Variants in MKNK2 observed in about 807,000 individuals in gnomAD.
The protein encoded by MKNK2 is MAP kinase-interacting serine/threonine-protein kinase 2.
MKNK2 carries 54 observed loss-of-function variants against 55.0 expected under a neutral mutation model. The ratio of observed to expected loss-of-function variants is 0.98; its 90% CI spans 0.79 to 1.23. MKNK2 has a LOEUF of 1.23. Among genes scored for constraint, MKNK2 ranks in the 50% most tolerant of loss-of-function variants. MKNK2 has a pLI of 0.00. For synonymous variants in MKNK2, 323 were observed against 256.0 expected (o/e 1.26, Z -2.50); for missense variants, 685 against 632.1 (o/e 1.08, Z -0.90).
intron 13 of MKNK2, 101 bp from the exon 14 acceptor site, chr19:2,039,957 C>T (rs1445078089): frequency 6.9e-7 from 1 of 1,439,858 alleles, no homozygotes; most frequent in Non-Finnish European, 9.5e-7. Context: ...TGCCCCCCTC[C>T]CAGCCCCCAC....
intron 12 of MKNK2, chr19:2,040,736 A>C: frequency 2.3e-6 from 1 of 437,538 alleles, no homozygotes; most frequent in East Asian, 4.4e-5. Flanking sequence ...GCTGGGGTCT[A>C]TGTGAGCTGG....
chr19:2,041,051 AG>A lies in MKNK2; in HGVS notation c.1098del (p.Trp367GlyfsTer36). 1 of 1,613,778 alleles carries A rather than the reference AG, an allele frequency of 6.2e-7. No homozygotes were observed. The highest frequency in any genetic ancestry group is 8.5e-7 in the Non-Finnish European group (1 of 1,179,876). ...RLSAAQVLQH[P>X]WVQGCAPENT... ...CGGCTGGTACTCACCCCCTGAACCC[AG>A]GGGTGCTGCAGGACTTGGGCGGCAC... On this transcript the variant is annotated frameshift_variant, in exon 12 of 14. Coordinates refer to ENST00000250896, the MANE Select transcript of MKNK2 (RefSeq NM_199054.3). LOFTEE classifies it high-confidence loss of function.
In MKNK2 at chr19:2,039,223, C is replaced by G; in HGVS notation, c.*390G>C. On this transcript the variant is annotated 3_prime_UTR_variant, in exon 14 of 14. Transcript: ENST00000250896. ...CTCCCCAGCTCTGCAAGATGGCAAA[C>G]GCTGTGGGCCTGCTCTCCTGAGTCA... 1 of 1,055,472 alleles carries G rather than the reference C, an allele frequency of 9.5e-7. No individual in the cohort carries two copies. Among genetic ancestry groups the G allele is most frequent in the Non-Finnish European group, 1.1e-6 (1 of 872,956 alleles). 65.4% of individuals were successfully genotyped at this position (1,055,472 alleles called of 1,614,324 possible). A position where few individuals can be genotyped will look rare whatever the true frequency, so the allele number is the denominator to read the frequency against.
At chr19:2,050,658 G>T (rs905225698) in intron 2 of MKNK2, 143 bp downstream of exon 2, 1 of 702,404 alleles carries the variant, frequency 1.4e-6, no homozygotes, top group Non-Finnish European at 2.2e-6. Context: ...TTCAGCGCAC[G>T]GCCGGCCCGG....
In MKNK2 at chr19:2,039,596, G is replaced by C; in HGVS notation, c.*17C>G. On this transcript the variant is annotated 3_prime_UTR_variant, in exon 14 of 14. Transcript: ENST00000250896. ...TTGGGGGACGGGTGACCTATGTACA[G>C]AGGGGAGATGGGAGGGTCAGGCGTG... 6.2e-7 allele frequency: 1 copy of C among 1,604,978 alleles called. No homozygotes were observed. The highest frequency in any genetic ancestry group is 8.5e-7 in the Non-Finnish European group (1 of 1,175,732).
At chr19:2,043,228 T>G in intron 6 of MKNK2, 31 bp from the exon 7 acceptor site, 3 of 1,518,430 alleles carry the variant, frequency 2.0e-6, no homozygotes, top group Non-Finnish European at 2.7e-6. Context: ...GGAGAGGAGC[T>G]GAGGCTTCCT....
chr19:2,039,926 G>T, intron 13 of MKNK2, 70 bp from the exon 14 acceptor site: 2 of 1,513,556 alleles, frequency 1.3e-6, no homozygotes, highest in Non-Finnish European at 1.8e-6. Flanking sequence ...GTCTGTGAAG[G>T]CCCTGGGGGA....
At chr19:2,043,008 C>T (rs1290874569) in intron 7 of MKNK2, 116 bp downstream of exon 7, 41 of 1,294,090 alleles carry the variant, frequency 3.2e-5, no homozygotes. Context: ...CACCCCTGAG[C>T]CACCATTTGG....
intron 5 of MKNK2, among the ~76,000 whole-genome samples, chr19:2,044,905 C>T (rs914961156): frequency 6.6e-6 from 1 of 152,198 alleles, no homozygotes; most frequent in Non-Finnish European, 1.5e-5. Context: ...CATGGGGGCT[C>T]TGCATCCAGC....
Position 2,051,150 on chromosome 19 carries a change from C to A in MKNK2, c.-151G>T, listed in dbSNP as rs1327529761. 1 of 165,586 alleles carries A rather than the reference C, an allele frequency of 6.0e-6. No homozygotes were observed. The highest frequency in any genetic ancestry group is 1.3e-5 in the Non-Finnish European group (1 of 77,144). 10.3% of individuals were successfully genotyped at this position (165,586 alleles called of 1,614,324 possible). A position where few individuals can be genotyped will look rare whatever the true frequency, so the allele number is the denominator to read the frequency against. ...GCCGCCGCCGCCCCACGTCGCGCAG[C>A]CCGGACCCCGCTCCGCGGACCGCGC... On this transcript the variant is annotated 5_prime_UTR_variant, in exon 1 of 14. Transcript: ENST00000250896.
chr19:2,038,031 ACC>A lies in MKNK2; in HGVS notation c.*1580_*1581del. ...GGGAAAGGGGTGGGCGGAATGCCCC[ACC>A]CCCCCCAGGGGTCTTTGGAAGGGGC... On this transcript the variant is annotated 3_prime_UTR_variant, in exon 14 of 14. Transcript: ENST00000250896. The A allele has an allele frequency of 7.8e-7, 1 of 1,285,336 alleles. No individual in the cohort carries two copies. The highest frequency in any genetic ancestry group is 9.9e-7 in the Non-Finnish European group (1 of 1,006,630). 79.6% of individuals were successfully genotyped at this position (1,285,336 alleles called of 1,614,324 possible).
chr19:2,048,366 G>A (rs1055952507), intron 2 of MKNK2, among the ~76,000 whole-genome samples: 1 of 152,186 alleles, frequency 6.6e-6, no homozygotes, highest in Non-Finnish European at 1.5e-5. Context: ...TTTCCACAGA[G>A]CAAATGGCCC....
rs148831224 is a variant in MKNK2 at position 2,046,191 on chromosome 19, C to T, written c.334G>A (p.Val112Ile). ...INLITSQEYA[V>I]KIIEKQPGHI... ...AGGGCGCGGCGCGGGCCCACCTTGA[C>T]GGCGTACTCCTGGCTGGTGATCAGG... Residue 112 changes from valine to isoleucine, a missense_variant, in exon 5 of 14, where the codon GTC becomes ATC. Physicochemically the swap from Val to Ile is conservative, Grantham distance 29. Coordinates refer to ENST00000250896, the MANE Select transcript of MKNK2 (RefSeq NM_199054.3). The T allele has an allele frequency of 1.6e-5, 25 of 1,608,382 alleles. No homozygotes were observed. Among genetic ancestry groups the T allele is most frequent in the Admixed American group, 3.3e-5 (2 of 59,992 alleles).
chr19:2,038,294 C>G lies in MKNK2; in HGVS notation c.*1319G>C, dbSNP rs1447616065. ...AAAAACTAAACAGGAGGAAGAATCC[C>G]GACCGCGGATTTAGAAGCCAGAGGG... On this transcript the variant is annotated 3_prime_UTR_variant, in exon 14 of 14. Coordinates refer to ENST00000250896, the MANE Select transcript of MKNK2 (RefSeq NM_199054.3). 6.1e-6 allele frequency: 6 copies of G among 986,484 alleles called. No homozygotes were observed. The highest frequency in any genetic ancestry group is 7.2e-6 in the Non-Finnish European group (6 of 830,438). The allele number at this position is 986,484 out of a possible 1,614,324, so 61.1% of individuals were successfully genotyped here.
At chr19:2,042,404 C>T (rs751861301) in intron 10 of MKNK2, 23 bp downstream of exon 10, 2 of 1,554,238 alleles carry the variant, frequency 1.3e-6, no homozygotes, top group Admixed American at 2.0e-5. Context: ...GCCGAGCCCC[C>T]AGCCCTCCCC....
rs751448586 is a variant in MKNK2, at chr19:2,039,707, T to C, written c.1304A>G (p.Gln435Arg). The part of the protein sequence containing the change: ...VLVRATSRCL[Q>R]LSPPSQSKLA... The stretch of plus-strand genomic sequence containing the variant: ...CTTGGACTGGGAGGGTGGAGACAGC[T>C]GCAGGCAGCGTGAGGTAGCTCGGAC... Residue 435 changes from glutamine (Q) to arginine (R), a missense_variant, in exon 14 of 14, where the codon CAG (glutamine) becomes CGG (arginine). By Grantham distance (43) the Gln-to-Arg change is conservative (BLOSUM62 1). Coordinates refer to ENST00000250896, the MANE Select transcript of MKNK2 (RefSeq NM_199054.3). 1.2e-6 allele frequency: 2 copies of C among 1,612,578 alleles called. No homozygotes were observed. Among genetic ancestry groups the C allele is most frequent in the Non-Finnish European group, 1.7e-6 (2 of 1,179,938 alleles).
At chr19:2,046,836 ACACCAGGATCAACTCC>A (rs1347058468) in intron 2 of MKNK2, 145 bp from the exon 3 acceptor site, 25 of 627,620 alleles carry the variant, frequency 4.0e-5, no homozygotes, top group Middle Eastern at 4.4e-4. Flanking sequence ...CCCCGCTCAC[ACACCAGGATCAACTCC>A]CACCAGGATC....
intron 2 of MKNK2, among the ~76,000 whole-genome samples, chr19:2,050,489 C>G (rs558672972): frequency 1.3e-5 from 2 of 152,236 alleles, no homozygotes; most frequent in African/African-American, 4.8e-5. Flanking sequence ...CAGAACATAC[C>G]CGGCGGGGGC....
At chr19:2,048,725 C>T (rs1420176054) in intron 2 of MKNK2, among the ~76,000 whole-genome samples, 1 of 152,116 alleles carries the variant, frequency 6.6e-6, no homozygotes, top group Non-Finnish European at 1.5e-5. Context: ...GCCAAGCTGC[C>T]CTCCTGCCTC....
Sources: allele counts gnomAD v4.1 joint callset (sites outside exome capture counted in the v4.1 genomes callset), GRCh38; gene constraint gnomAD v4.1.1; transcripts MANE v1.5; gene names NCBI Gene and HGNC (gene_info 2026-07-23, HGNC 2026-07-21).